ATG2B: variants seen among roughly 807,000 people sequenced by gnomAD.
The protein encoded by ATG2B is autophagy-related protein 2 homolog B.
In ATG2B, 121 loss-of-function variants were observed where a neutral mutation model predicts 241.3. The observed-to-expected ratio is 0.50, with a 90% CI of 0.43 to 0.58. The LOEUF (loss-of-function observed/expected upper bound fraction) is 0.58, where lower values mean the gene tolerates loss of function less well. ATG2B is among the 20% of genes least tolerant of loss of function. The probability of loss-of-function intolerance (pLI) is 0.00; values close to 1 mark genes in which losing one functional copy is unlikely to be tolerated. For synonymous variants in ATG2B, 858 were observed against 876.6 expected (o/e 0.98, Z 0.37); for missense variants, 2,306 against 2,491.6 (o/e 0.93, Z 1.59).
chr14:96,350,838 CAT>C (rs1274576061), intron 1 of ATG2B, among the ~76,000 whole-genome samples: 3 of 152,172 alleles, frequency 2.0e-5, no homozygotes, highest in African/African-American at 7.2e-5. Flanking sequence ...AGCATCCAAA[CAT>C]ATTCTTTCCT....
intron 17 of ATG2B, 132 bp from the exon 18 acceptor site, chr14:96,322,386 T>C: frequency 7.6e-7 from 1 of 1,311,110 alleles, no homozygotes; most frequent in Non-Finnish European, 1.0e-6. Flanking sequence ...AGAGAAAATA[T>C]ACACCAAGAA....
chr14:96,327,997 T>C (rs146459974), intron 14 of ATG2B, among the ~76,000 whole-genome samples: 214 of 152,276 alleles, frequency 1.4e-3, no homozygotes, highest in East Asian at 8.9e-3. Flanking sequence ...TTTGTATTTT[T>C]AGTAGAGACA....
intron 28 of ATG2B, 71 bp downstream of exon 28, chr14:96,311,046 C>CA (rs757024314): frequency 7.4e-7 from 1 of 1,355,962 alleles, no homozygotes. Flanking sequence ...TTATGACTGT[C>CA]ATGAAGACCT....
chr14:96,292,116 AG>A lies in ATG2B; in HGVS notation c.5427-19del, dbSNP rs1160671939. 3 of 1,545,278 alleles carry A rather than the reference AG, an allele frequency of 1.9e-6. No homozygotes were observed. Among genetic ancestry groups the A allele is most frequent in the African/African-American group, 1.4e-5 (1 of 73,132 alleles). On this transcript the variant is annotated intron_variant, in intron 36 of 41. Transcript: ENST00000359933. ...TAAATTCTCTGAAGATAAAGGAAGGAGGGAGTTATTTACATTTACAATTACT... is the reference window on the plus strand; with the variant it reads ...TAAATTCTCTGAAGATAAAGGAAGGAGGAGTTATTTACATTTACAATTACT...
Position 96,315,499 on chromosome 14 carries a change from G to C in ATG2B, c.3446C>G (p.Ser1149Cys), listed in dbSNP as rs1887283755. Residue 1149 changes from serine (S) to cysteine (C), a missense_variant, in exon 22 of 42, where the codon TCC (serine) becomes TGC (cysteine). Ser to Cys is a moderately radical substitution (Grantham distance 112, BLOSUM62 -1). Around this residue, in one of 2 missense-constraint regions of ATG2B, gnomAD observed 1,927 missense variants for 2,011.2 expected, o/e 0.96. Transcript: ENST00000359933. ...TTTACTGAGGCCATCTTCTTCAGAG[G>C]AATAAATAGTAGGTTCCAACCAGTG... ...RPHWLEPTIY[S>C]SEEDGLSKTS... The C allele has an allele frequency of 6.2e-7, 1 of 1,614,150 alleles. No homozygotes were observed. The highest frequency in any genetic ancestry group is 8.5e-7 in the Non-Finnish European group (1 of 1,180,022).
chr14:96,340,137 TG>T (rs1887985798), intron 6 of ATG2B, among the ~76,000 whole-genome samples: 3 of 140,200 alleles, frequency 2.1e-5, no homozygotes, highest in African/African-American at 7.9e-5. Flanking sequence ...ATATCATATA[TG>T]ATATATATGA....
At chr14:96,323,817 A>T in intron 16 of ATG2B, 79 bp downstream of exon 16, 1 of 938,908 alleles carries the variant, frequency 1.1e-6, no homozygotes. Context: ...CTTATATTTA[A>T]TAGACAAAAT....
At chr14:96,349,982 C>G (rs1406989795) in intron 1 of ATG2B, among the ~76,000 whole-genome samples, 1 of 152,072 alleles carries the variant, frequency 6.6e-6, no homozygotes, top group Non-Finnish European at 1.5e-5. Context: ...ACATCAAAAC[C>G]CTGACTCTAC....
intron 23 of ATG2B, among the ~76,000 whole-genome samples, chr14:96,313,798 T>C (rs1199419031): frequency 6.6e-6 from 1 of 152,220 alleles, no homozygotes; most frequent in South Asian, 2.1e-4. Context: ...ACAGAAATCT[T>C]AGAAAATCAC....
chr14:96,311,187 G>T lies in ATG2B; in HGVS notation c.4091C>A (p.Ala1364Glu). The T allele has an allele frequency of 1.9e-6, 3 of 1,614,002 alleles. No homozygotes were observed. Among genetic ancestry groups the T allele is most frequent in the Non-Finnish European group, 2.5e-6 (3 of 1,179,920 alleles). The change falls in exon 28 of 42, where the codon GCA (alanine) becomes GAA (glutamate). Residue 1364 changes from alanine (A) to glutamate (E), a missense_variant. Ala to Glu is a moderately radical substitution (Grantham distance 107). This residue lies in a region of ATG2B where 1,927 missense variants were observed against 2,011.2 expected (regional missense o/e 0.96). Coordinates refer to ENST00000359933, the MANE Select transcript of ATG2B (RefSeq NM_018036.7). ...AALMNLIQYI[A>E]SYGDLQTPNK... is the part of the protein sequence containing the mutation. ...AGGTGTCTGCAAGTCACCATAGCTT[G>T]CAATGTACTGAATGAGATTCATTAA...
chr14:96,323,664 T>C (rs1216860300), intron 16 of ATG2B, among the ~76,000 whole-genome samples: 2 of 152,164 alleles, frequency 1.3e-5, no homozygotes, highest in African/African-American at 2.4e-5. Context: ...ATCGGTCTAA[T>C]AGACAGTGGA....
chr14:96,353,337 A>G (rs1232782026), intron 1 of ATG2B, among the ~76,000 whole-genome samples: 1 of 152,244 alleles, frequency 6.6e-6, no homozygotes, highest in Non-Finnish European at 1.5e-5. Flanking sequence ...TTAAAAATAC[A>G]TACTGGGCTG....
At chr14:96,295,727 C>CCACA (rs59902412) in intron 34 of ATG2B, among the ~76,000 whole-genome samples, 167 bp from the exon 35 acceptor site, 1,617 of 145,856 alleles carry the variant, frequency 0.011, 29 homozygotes, top group African/African-American at 0.037. Context: ...CTTCCCCCCA[C>CCACA]CACACACACA....
rs561330900 is a variant in ATG2B at position 96,332,218 on chromosome 14, A to G, written c.1468+87T>C. 2.4e-4 allele frequency: 267 copies of G among 1,123,146 alleles called. 1 individual carries two copies. In the African/African-American group the frequency reaches 3.5e-3, roughly 15 times the overall value. The allele number at this position is 1,123,146 out of a possible 1,614,324, so 69.6% of individuals were successfully genotyped here. Reference sequence around the variant, plus strand: ...CTTTGTAAATGGCCAAGACCAGAAAAAAAAAAAAAAGAAAGAAAAGCACCA... The same window carrying G: ...CTTTGTAAATGGCCAAGACCAGAAAGAAAAAAAAAAGAAAGAAAAGCACCA... On this transcript the variant is annotated intron_variant, in intron 10 of 41. Coordinates refer to ENST00000359933, the MANE Select transcript of ATG2B (RefSeq NM_018036.7).
chr14:96,305,310 G>A (rs1219338212), intron 31 of ATG2B, among the ~76,000 whole-genome samples: 1 of 152,066 alleles, frequency 6.6e-6, no homozygotes, highest in Non-Finnish European at 1.5e-5. Context: ...ACTCATTTTT[G>A]TGAAATAGGT....
chr14:96,333,781 G>T lies in ATG2B; in HGVS notation c.1114C>A (p.Arg372=). The T allele has an allele frequency of 6.2e-7, 1 of 1,613,676 alleles. No homozygotes were observed. Among genetic ancestry groups the T allele is most frequent in the Non-Finnish European group, 8.5e-7 (1 of 1,179,784 alleles). ...AGGGAATCTTTTCTCAAATAATACC[G>T]GTTTAATTCCATCTGAATTCGATAC... The part of the protein sequence containing the change: ...DEYRIQMELN[R]YYLRKDSLSV... The change falls in exon 8 of 42, where the codon CGG becomes AGG. Residue 372 remains arginine (R), a synonymous_variant. Coordinates refer to ENST00000359933, the MANE Select transcript of ATG2B (RefSeq NM_018036.7).
chr14:96,332,032 T>C (rs1459018338), intron 10 of ATG2B, among the ~76,000 whole-genome samples: 1 of 152,130 alleles, frequency 6.6e-6, no homozygotes, highest in Non-Finnish European at 1.5e-5. Flanking sequence ...ATCACATGAT[T>C]GACTGAGGGT....
chr14:96,289,417 A>T lies in ATG2B; in HGVS notation c.6006+239T>A. 1 of 403,154 alleles carries T rather than the reference A, an allele frequency of 2.5e-6. No individual in the cohort carries two copies. Among genetic ancestry groups the T allele is most frequent in the Non-Finnish European group, 4.5e-6 (1 of 222,034 alleles). The allele number at this position is 403,154 out of a possible 1,614,324, so 25.0% of individuals were successfully genotyped here. ...TCTATCACTCCCTGAGTGCTTCTGC[A>T]GGTGAAGAGAGAGAATCCATCCACC... On this transcript the variant is annotated intron_variant, in intron 41 of 41. Transcript: ENST00000359933. The surrounding 1 kb of genome is among the most constrained non-coding windows in gnomAD (Gnocchi z 4.3).
At chr14:96,341,329 C>T (rs974768981) in intron 6 of ATG2B, among the ~76,000 whole-genome samples, 193 bp downstream of exon 6, 2 of 152,122 alleles carry the variant, frequency 1.3e-5, no homozygotes, top group African/African-American at 2.4e-5. Flanking sequence ...AACAGTAGGG[C>T]AAAGGCAGTC....
Sources: allele counts gnomAD v4.1 joint callset (sites outside exome capture counted in the v4.1 genomes callset), GRCh38; gene constraint gnomAD v4.1.1; regional missense constraint gnomAD v4.1.1; non-coding constraint Gnocchi (gnomAD v3.1); transcripts MANE v1.5; gene names NCBI Gene and HGNC (gene_info 2026-07-23, HGNC 2026-07-21).